Variants in NELL2 observed in about 807,000 individuals in gnomAD.
NELL2 encodes the protein neural EGFL like 2, also known as protein kinase C-binding protein NELL2.
A neutral mutation model predicts 109.6 loss-of-function variants in NELL2; 41 were observed. The observed-to-expected ratio is 0.37, with a 90% confidence interval of 0.29 to 0.49. NELL2 has a LOEUF of 0.49. Ranked by LOEUF, NELL2 falls within the 20% of genes least tolerant of loss-of-function variation. The pLI, the probability that NELL2 is intolerant of heterozygous loss-of-function variation, is 0.98. For missense variants in NELL2, 900 were observed against 1,008.3 expected, an observed-to-expected ratio of 0.89 and a Z score of 1.45; for synonymous variants, 355 against 344.7, an observed-to-expected ratio of 1.03 and a Z score of -0.33.
At chr12:44,816,242 G>T in intron 2 of NELL2, 106 bp from the exon 3 acceptor site, 3 of 913,996 alleles carry the variant, frequency 3.3e-6, no homozygotes, top group African/African-American at 1.7e-5. Context: ...ATCAGTAGCA[G>T]CTGATAAATA....
At chr12:44,903,176 G>A (rs1945681615) in intron 1 of NELL2, among the ~76,000 whole-genome samples, 1 of 151,980 alleles carries the variant, frequency 6.6e-6, no homozygotes, top group South Asian at 2.1e-4. Flanking sequence ...AAGCTACAAG[G>A]AACTTAAACA....
chr12:44,674,629 G>T (rs1332333892), intron 12 of NELL2, among the ~76,000 whole-genome samples: 2 of 152,186 alleles, frequency 1.3e-5, no homozygotes, highest in Admixed American at 6.5e-5. Context: ...TACGAGGACA[G>T]CACTGTCTTT....
chr12:44,744,563 T>C (rs1331725613), intron 9 of NELL2, among the ~76,000 whole-genome samples: 2 of 151,396 alleles, frequency 1.3e-5, no homozygotes, highest in African/African-American at 2.4e-5. Context: ...GCAAGACTAA[T>C]AAAGAAGAAA....
intron 11 of NELL2, among the ~76,000 whole-genome samples, chr12:44,709,475 C>A (rs1938074198): frequency 6.6e-6 from 1 of 152,156 alleles, no homozygotes; most frequent in African/African-American, 2.4e-5. Context: ...GCCCGGCTTC[C>A]AGCCCTACAG....
intron 15 of NELL2, 45 bp downstream of exon 15, chr12:44,607,124 T>C (rs1945436233): frequency 2.0e-6 from 3 of 1,502,442 alleles, no homozygotes; most frequent in Admixed American, 1.8e-5. Flanking sequence ...ACTTTATGCA[T>C]TGGCATAAAA....
At chr12:44,565,191 A>C (rs1294490053) in intron 15 of NELL2, among the ~76,000 whole-genome samples, 1 of 152,104 alleles carries the variant, frequency 6.6e-6, no homozygotes, top group East Asian at 1.9e-4. Context: ...AGATCTGTGA[A>C]GCATATTCTC....
intron 15 of NELL2, among the ~76,000 whole-genome samples, chr12:44,571,097 A>G (rs1454287527): frequency 2.0e-5 from 3 of 152,198 alleles, no homozygotes; most frequent in African/African-American, 7.2e-5. Context: ...AATCTTATAA[A>G]GAAGTTCTTA....
chr12:44,628,516 C>A (rs919768364), intron 13 of NELL2, among the ~76,000 whole-genome samples: 3 of 152,138 alleles, frequency 2.0e-5, no homozygotes, highest in Admixed American at 2.0e-4. Flanking sequence ...TTGAGACTTG[C>A]CCTTTGCTAT....
chr12:44,599,374 A>G (rs539551774), intron 15 of NELL2, among the ~76,000 whole-genome samples: 2 of 152,294 alleles, frequency 1.3e-5, no homozygotes, highest in Non-Finnish European at 2.9e-5. Context: ...CACAAGACAA[A>G]AATAAGAACT....
chr12:44,787,965 A>G (rs1272639011), intron 3 of NELL2, among the ~76,000 whole-genome samples: 1 of 152,228 alleles, frequency 6.6e-6, no homozygotes, highest in Non-Finnish European at 1.5e-5. Flanking sequence ...ACTGGACACC[A>G]TCAGAAAGGG....
chr12:44,578,355 G>A (rs1944188517), intron 15 of NELL2, among the ~76,000 whole-genome samples: 1 of 151,592 alleles, frequency 6.6e-6, no homozygotes, highest in Admixed American at 6.6e-5. Context: ...CTATCACAGA[G>A]TACTTCAAGT....
intron 13 of NELL2, among the ~76,000 whole-genome samples, chr12:44,634,485 C>CT (rs1335201814): frequency 1.3e-5 from 2 of 152,120 alleles, no homozygotes; most frequent in South Asian, 4.1e-4. Flanking sequence ...ATCCATGTCC[C>CT]TGCAAAGGCA....
chr12:44,531,051 AAC>A (rs1166823970), intron 16 of NELL2, among the ~76,000 whole-genome samples: 1 of 152,248 alleles, frequency 6.6e-6, no homozygotes, highest in East Asian at 1.9e-4. Context: ...AACTTAATGT[AAC>A]ACAGTCAACA....
intron 13 of NELL2, among the ~76,000 whole-genome samples, chr12:44,663,992 C>T (rs1947837776): frequency 6.6e-6 from 1 of 152,088 alleles, no homozygotes; most frequent in African/African-American, 2.4e-5. Flanking sequence ...TGCTAGCACT[C>T]ATTTTTAATA....
intron 15 of NELL2, among the ~76,000 whole-genome samples, chr12:44,606,092 A>G (rs1464735227): frequency 1.3e-5 from 2 of 152,176 alleles, no homozygotes; most frequent in Non-Finnish European, 2.9e-5. Context: ...TGTCCGTCAC[A>G]GACTTTTGAA....
chr12:44,910,993 C>T (rs997502418), intron 1 of NELL2, among the ~76,000 whole-genome samples: 6 of 151,726 alleles, frequency 4.0e-5, no homozygotes, highest in South Asian at 2.1e-4. Flanking sequence ...ACACTGGAGA[C>T]GACTAGATGG....
intron 9 of NELL2, among the ~76,000 whole-genome samples, chr12:44,728,544 G>A (rs1939202529): frequency 1.3e-5 from 2 of 152,058 alleles, no homozygotes; most frequent in Non-Finnish European, 2.9e-5. Flanking sequence ...GAAGAAGATA[G>A]AAAAAGGCAG....
intron 2 of NELL2, among the ~76,000 whole-genome samples, chr12:44,837,820 T>C (rs1418434657): frequency 6.6e-6 from 1 of 152,216 alleles, no homozygotes; most frequent in African/African-American, 2.4e-5. Context: ...GTAAAAGCAA[T>C]GTACCTTACT....
intron 15 of NELL2, among the ~76,000 whole-genome samples, chr12:44,577,808 C>T (rs974867665): frequency 2.6e-5 from 4 of 152,038 alleles, no homozygotes; most frequent in East Asian, 1.9e-4. Flanking sequence ...CTAGCTCCAA[C>T]GGAACTAGCA....
Sources: gnomAD v4.1 joint callset for allele counts (sites outside exome capture counted in the v4.1 genomes callset) on GRCh38, gnomAD v4.1.1 for gene constraint, MANE v1.5 for transcripts, NCBI Gene and HGNC (gene_info 2026-07-23, HGNC 2026-07-21) for gene names.